The following SLC43A1 variants were observed in gnomAD, a reference collection of about 807,000 sequenced individuals.
SLC43A1 encodes solute carrier family 43 member 1.
SLC43A1 carries 31 observed loss-of-function variants against 59.5 expected under a neutral mutation model. That is an observed-to-expected ratio of 0.52 (90% CI 0.39 to 0.70). The LOEUF is 0.70. SLC43A1 is among the 30% of genes least tolerant of loss of function. The pLI is 0.00. For synonymous variants in SLC43A1, 259 were observed against 290.9 expected, an observed-to-expected ratio of 0.89 and a Z score of 1.12; for missense variants, 598 against 717.8, an observed-to-expected ratio of 0.83 and a Z score of 1.91.
At chr11:57,500,916 A>C (rs1944243198) in intron 4 of SLC43A1, 61 bp from the exon 5 acceptor site, 1 of 1,604,980 alleles carries the variant, frequency 6.2e-7, no homozygotes, top group Admixed American at 1.7e-5. Context: ...CAAGGGCGGG[A>C]GCTGGGGTAA....
At chr11:57,495,629 C>T (rs1406116540) in intron 7 of SLC43A1, among the ~76,000 whole-genome samples, 2 of 152,042 alleles carry the variant, frequency 1.3e-5, no homozygotes, top group African/African-American at 2.4e-5. Flanking sequence ...AGTTCAAAAC[C>T]AGCCTAGGTA....
Position 57,514,739 on chromosome 11 carries a change from G to T in SLC43A1, c.-13-615C>A. On this transcript the variant is annotated intron_variant, in intron 1 of 14. Coordinates refer to ENST00000278426, the MANE Select transcript of SLC43A1 (RefSeq NM_003627.6). The surrounding 1 kb of genome is among the most constrained non-coding windows in gnomAD (Gnocchi z 5.5). ...CCACGTGGAGGGAGACCCAGGACGG[G>T]CTCTCCTCGGTTCCCTCCTCCCCCG... 1.2e-6 allele frequency: 1 copy of T among 824,422 alleles called. No individual in the cohort carries two copies. Among genetic ancestry groups the T allele is most frequent in the Non-Finnish European group, 1.5e-6 (1 of 682,646 alleles). 51.1% of individuals were successfully genotyped at this position (824,422 alleles called of 1,614,324 possible).
chr11:57,503,100 A>C (rs1418263704), intron 2 of SLC43A1, among the ~76,000 whole-genome samples: 17 of 152,058 alleles, frequency 1.1e-4, no homozygotes, highest in Admixed American at 1.1e-3. Context: ...AAGGCCTGGC[A>C]GATCCTGAGT....
chr11:57,487,003 G>A, intron 14 of SLC43A1, 92 bp downstream of exon 14: 3 of 1,404,906 alleles, frequency 2.1e-6, no homozygotes, highest in Non-Finnish European at 3.0e-6. Context: ...GCCTCTGGCT[G>A]AGATGAGTGA....
At chr11:57,495,898 T>C (rs1190743961) in intron 7 of SLC43A1, 133 bp downstream of exon 7, 5 of 1,005,498 alleles carry the variant, frequency 5.0e-6, no homozygotes, top group South Asian at 3.4e-5. Flanking sequence ...AAAGCAGAGC[T>C]TGGAGGGCTC....
Position 57,491,257 on chromosome 11 carries a change from G to A in SLC43A1, c.1160C>T (p.Ala387Val), listed in dbSNP as rs1236782859. The A allele has an allele frequency of 6.2e-7, 1 of 1,604,720 alleles. No individual in the cohort carries two copies. Among genetic ancestry groups the A allele is most frequent in the Non-Finnish European group, 8.5e-7 (1 of 1,174,390 alleles). Reference sequence around the variant, plus strand: ...TCCGAGGACAGTGCCCTGAGTTGGGGCGTCCACGCAGTCCTTGATCCGCCA... The same window carrying A: ...TCCGAGGACAGTGCCCTGAGTTGGGACGTCCACGCAGTCCTTGATCCGCCA... ...MDWRIKDCVD[A>V]PTQGTVLGDA... Residue 387 changes from alanine (A) to valine (V), a missense_variant, in exon 11 of 15, where the codon GCC (alanine) becomes GTC (valine). Physicochemically the swap from Ala to Val is moderately conservative, Grantham distance 64. Transcript: ENST00000278426.
chr11:57,507,409 G>T (rs545342362), intron 2 of SLC43A1, among the ~76,000 whole-genome samples: 1 of 152,324 alleles, frequency 6.6e-6, no homozygotes, highest in South Asian at 2.1e-4. Flanking sequence ...GGCGGAGGTT[G>T]CAGTGAGCGG....
intron 14 of SLC43A1, among the ~76,000 whole-genome samples, chr11:57,486,526 G>A (rs1378601936): frequency 6.7e-6 from 1 of 150,188 alleles, no homozygotes; most frequent in Non-Finnish European, 1.5e-5. Context: ...AGGGCCGGGC[G>A]CGGTGGCTAA....
Position 57,501,264 on chromosome 11 carries a change from C to T in SLC43A1, c.220G>A (p.Glu74Lys), listed in dbSNP as rs1297522274. The T allele has an allele frequency of 1.2e-6, 2 of 1,612,372 alleles. No homozygotes were observed. The highest frequency in any genetic ancestry group is 2.2e-5 in the East Asian group (1 of 44,878). Residue 74 changes from glutamate to lysine, a missense_variant, in exon 3 of 15, where the codon GAG becomes AAG. Transcript: ENST00000278426. ...RRWPGCDQQDEMLNLGFTIGS... is the reference protein window; with the variant it reads ...RRWPGCDQQDKMLNLGFTIGS... ...ATGGTGAAGCCCAGGTTGAGCATCT[C>T]GTCCTGCTGGTCACAGCCTGGCCAC...
intron 8 of SLC43A1, among the ~76,000 whole-genome samples, chr11:57,492,508 TATA>T (rs1283446333): frequency 3.2e-5 from 4 of 123,552 alleles, no homozygotes; most frequent in Admixed American, 9.6e-5. Context: ...TAATATAATA[TATA>T]ATAATATAAT....
intron 14 of SLC43A1, among the ~76,000 whole-genome samples, chr11:57,486,774 A>T (rs984919238): frequency 1.3e-5 from 2 of 151,986 alleles, no homozygotes; most frequent in African/African-American, 4.8e-5. Context: ...GCACCACTGC[A>T]CTCCAGCCTG....
In SLC43A1 at chr11:57,500,985, C is replaced by T. The variant is rs1438195261; in HGVS notation, c.388+3G>A. ...TGGGGCCACAAGAGGACAGACAACT[C>T]ACCTTCCACGTCCCGGGAGGCCAGG... On this transcript the variant is annotated splice_donor_region_variant and intron_variant, in intron 4 of 14. Coordinates refer to ENST00000278426, the MANE Select transcript of SLC43A1 (RefSeq NM_003627.6). 2 of 1,598,006 alleles carry T rather than the reference C, an allele frequency of 1.3e-6. No individual in the cohort carries two copies. The highest frequency in any genetic ancestry group is 1.7e-6 in the Non-Finnish European group (2 of 1,172,032).
At chr11:57,491,515 T>C (rs1943900854) in intron 10 of SLC43A1, 76 bp downstream of exon 10, 2 of 1,599,884 alleles carry the variant, frequency 1.3e-6, no homozygotes, top group Admixed American at 3.4e-5. Context: ...GGCCCAGGCC[T>C]AGAGGAGTCC....
chr11:57,491,994 C>T (rs949152049), intron 8 of SLC43A1, 132 bp from the exon 9 acceptor site: 63 of 882,072 alleles, frequency 7.1e-5, no homozygotes, highest in African/African-American at 6.9e-4. Flanking sequence ...TCTTCAAAGA[C>T]GGGAAAGTTC....
chr11:57,489,930 A>C (rs1943851614), intron 11 of SLC43A1, among the ~76,000 whole-genome samples: 1 of 152,210 alleles, frequency 6.6e-6, no homozygotes, highest in African/African-American at 2.4e-5. Context: ...GAGAGAGGTC[A>C]GTAGGCTGGG....
intron 13 of SLC43A1, 101 bp downstream of exon 13, chr11:57,488,815 G>A (rs983307724): frequency 7.4e-6 from 7 of 951,776 alleles, no homozygotes; most frequent in Middle Eastern, 2.6e-4. Flanking sequence ...GTCTCAGAGA[G>A]AGGTGCATTA....
In SLC43A1 at chr11:57,514,241, C is replaced by A. The variant is rs1944624825; in HGVS notation, c.-13-117G>T. 2 of 1,224,418 alleles carry A rather than the reference C, an allele frequency of 1.6e-6. No homozygotes were observed. The highest frequency in any genetic ancestry group is 1.1e-6 in the Non-Finnish European group (1 of 907,094). 75.8% of individuals were successfully genotyped at this position (1,224,418 alleles called of 1,614,324 possible). On this transcript the variant is annotated intron_variant, in intron 1 of 14. Coordinates refer to ENST00000278426, the MANE Select transcript of SLC43A1 (RefSeq NM_003627.6). This position sits in a 1 kb window ranked among gnomAD's most constrained non-coding sequence, Gnocchi z 5.5. ...GCCCGCGAGGAGCCCCTCATGGAGG[C>A]CCCATAGAGCCCTGGGCTTCCCAGC...
In SLC43A1 at chr11:57,514,433, C is replaced by G. The variant is rs1944631044; in HGVS notation, c.-13-309G>C. 1 of 332,092 alleles carries G rather than the reference C, an allele frequency of 3.0e-6. No homozygotes were observed. Among genetic ancestry groups the G allele is most frequent in the Admixed American group, 4.6e-5 (1 of 21,618 alleles). The allele number at this position is 332,092 out of a possible 1,614,324, so 20.6% of individuals were successfully genotyped here. On this transcript the variant is annotated intron_variant, in intron 1 of 14. Transcript: ENST00000278426. The surrounding 1 kb of genome is among the most constrained non-coding windows in gnomAD (Gnocchi z 5.5). ...CCAGGCCAGGGCGCTCAGGGCCGGGCTGCTGGGGAGAAAGTCCGCATCTGC... is the reference window on the plus strand; with the variant it reads ...CCAGGCCAGGGCGCTCAGGGCCGGGGTGCTGGGGAGAAAGTCCGCATCTGC...
rs541890864 is a variant in SLC43A1, at chr11:57,486,934, C to T, written c.1533+161G>A. 5.3e-5 allele frequency among the ~76,000 whole-genome samples: 8 copies of T among 152,292 alleles called. No individual in the cohort carries two copies. In the South Asian group the frequency reaches 6.2e-4, roughly 12 times the overall value. On this transcript the variant is annotated intron_variant, in intron 14 of 14. Transcript: ENST00000278426. ...TGGGGAATCTGTATTTTTAACACTC[C>T]GTGAGGGGTTCTAAAAGGCAGACAA...
Sources: allele counts gnomAD v4.1 joint callset (sites outside exome capture counted in the v4.1 genomes callset), GRCh38; gene constraint gnomAD v4.1.1; non-coding constraint Gnocchi (gnomAD v3.1); transcripts MANE v1.5; gene names NCBI Gene and HGNC (gene_info 2026-07-23, HGNC 2026-07-21).